Variants in CLVS1 observed in about 807,000 individuals in gnomAD.
The protein encoded by CLVS1 is clavesin 1, also known as clavesin-1.
CLVS1 carries 10 observed loss-of-function variants against 33.1 expected under a neutral mutation model. That is an observed-to-expected ratio of 0.30 (90% confidence interval 0.19 to 0.51). The LOEUF (loss-of-function observed/expected upper bound fraction) is 0.51, where lower values mean the gene tolerates loss of function less well. Among genes scored for constraint, CLVS1 ranks in the 20% least tolerant of loss-of-function variants. CLVS1 has a pLI of 0.97. For missense variants in CLVS1, 343 were observed against 433.4 expected, an observed-to-expected ratio of 0.79 and a Z score of 1.85; for synonymous variants, 163 against 166.1, an observed-to-expected ratio of 0.98 and a Z score of 0.14.
At chr8:61,488,908 A>G (rs1808728185) in intron 5 of CLVS1, among the ~76,000 whole-genome samples, 1 of 152,166 alleles carries the variant, frequency 6.6e-6, no homozygotes. Flanking sequence ...GTCTTCTGGC[A>G]GCTGAACTGT....
the CLVS1 span, among the ~76,000 whole-genome samples, chr8:60,979,445 C>T: frequency 2.2e-4 from 34 of 152,194 alleles, no homozygotes; most frequent in Non-Finnish European, 4.7e-4. Flanking sequence ...AGTAGAAGAG[C>T]AACAACATCT....
At chr8:61,349,994 T>A (rs1812384122) in intron 2 of CLVS1, among the ~76,000 whole-genome samples, 1 of 152,144 alleles carries the variant, frequency 6.6e-6, no homozygotes, top group African/African-American at 2.4e-5. Context: ...ATCTCTTGGA[T>A]AGACTAATAC....
chr8:61,479,000 G>C (rs1014275021), intron 5 of CLVS1, among the ~76,000 whole-genome samples: 1 of 152,066 alleles, frequency 6.6e-6, no homozygotes, highest in African/African-American at 2.4e-5. Context: ...CTTTCTCTCT[G>C]GCTGCCCTTA....
chr8:61,212,312 G>A (rs531391180), intron 2 of CLVS1, among the ~76,000 whole-genome samples: 17 of 152,300 alleles, frequency 1.1e-4, no homozygotes, highest in Non-Finnish European at 2.4e-4. Context: ...GGCAACAGAG[G>A]TAGGCAGTGA....
intron 2 of CLVS1, among the ~76,000 whole-genome samples, chr8:61,191,142 C>G (rs754015437): frequency 6.6e-6 from 1 of 152,180 alleles, no homozygotes; most frequent in South Asian, 2.1e-4. Context: ...TACCGGAAAA[C>G]TGAATCCAGC....
chr8:61,365,699 A>G (rs1279771842), intron 2 of CLVS1, among the ~76,000 whole-genome samples: 1 of 152,068 alleles, frequency 6.6e-6, no homozygotes, highest in Admixed American at 6.6e-5. Flanking sequence ...TGGAATAATT[A>G]AAGAATCATC....
chr8:61,174,454 A>G (rs1050460564), intron 2 of CLVS1, among the ~76,000 whole-genome samples: 2 of 151,966 alleles, frequency 1.3e-5, no homozygotes, highest in Non-Finnish European at 2.9e-5. Flanking sequence ...CAAACAAACA[A>G]ACAAACAAAC....
intron 1 of CLVS1, among the ~76,000 whole-genome samples, chr8:61,070,503 A>G (rs1804773124): frequency 6.6e-6 from 1 of 152,166 alleles, no homozygotes; most frequent in Admixed American, 6.5e-5. Context: ...TTGTTTTCCC[A>G]TCTTCCACCC....
intron 2 of CLVS1, among the ~76,000 whole-genome samples, chr8:61,269,563 G>T (rs1385496475): frequency 6.6e-6 from 1 of 151,650 alleles, no homozygotes; most frequent in Admixed American, 6.6e-5. Flanking sequence ...GAAAGGCATT[G>T]GTAGCTTGAT....
At chr8:61,441,841 A>G (rs572039511) in intron 3 of CLVS1, among the ~76,000 whole-genome samples, 19 of 152,338 alleles carry the variant, frequency 1.2e-4, no homozygotes, top group Admixed American at 1.1e-3. Flanking sequence ...GTGCATTTCT[A>G]ATGGATTGCA....
At chr8:61,148,770 GTGTATATGAT>G (rs374011446) in intron 2 of CLVS1, among the ~76,000 whole-genome samples, 56 of 152,300 alleles carry the variant, frequency 3.7e-4, no homozygotes, top group African/African-American at 1.1e-3. Context: ...TGCTAAACAG[GTGTATATGAT>G]TGAAATGACT....
At chr8:61,162,220 G>T (rs188979274) in intron 2 of CLVS1, among the ~76,000 whole-genome samples, 33 of 152,320 alleles carry the variant, frequency 2.2e-4, no homozygotes, top group African/African-American at 7.7e-4. Context: ...CTATGAAGAA[G>T]ATAGTTTAGC....
chr8:61,041,679 A>G, the CLVS1 span, among the ~76,000 whole-genome samples: 5 of 152,150 alleles, frequency 3.3e-5, no homozygotes, highest in African/African-American at 7.2e-5. Flanking sequence ...TCGGCAGCAC[A>G]TATATTAGAA....
In CLVS1 at chr8:61,499,447, CTT is replaced by C. The variant is rs1804475627; in HGVS notation, c.978-7_978-6del. 1.2e-6 allele frequency: 2 copies of C among 1,604,500 alleles called. No individual in the cohort carries two copies. The highest frequency in any genetic ancestry group is 1.7e-4 in the Middle Eastern group (1 of 6,058). On this transcript the variant is annotated splice_region_variant and splice_polypyrimidine_tract_variant and intron_variant, in intron 5 of 5. Transcript: ENST00000325897. ...GTAATTCTGTCTTTTTCCCTCCCCT[CTT>C]GTTAGATCTCAGTCTGTGGTAGAAG...
intron 5 of CLVS1, among the ~76,000 whole-genome samples, chr8:61,489,916 C>A (rs1342694969): frequency 6.6e-6 from 1 of 152,202 alleles, no homozygotes; most frequent in Admixed American, 6.5e-5. Flanking sequence ...GGGCAGACTA[C>A]TTGTAGCAAT....
chr8:61,188,500 TA>T (rs1807393388), intron 2 of CLVS1, among the ~76,000 whole-genome samples: 1 of 151,506 alleles, frequency 6.6e-6, no homozygotes, highest in Admixed American at 6.6e-5. Flanking sequence ...AGATTATGCT[TA>T]AATAAATTAG....
chr8:61,223,917 G>T (rs981087725), intron 2 of CLVS1, among the ~76,000 whole-genome samples: 2 of 151,882 alleles, frequency 1.3e-5, no homozygotes, highest in South Asian at 2.1e-4. Context: ...ATTTCAGTGA[G>T]GTGGTCTTCA....
chr8:61,217,199 A>G (rs1808107609), intron 2 of CLVS1, among the ~76,000 whole-genome samples: 2 of 152,304 alleles, frequency 1.3e-5, no homozygotes, highest in Non-Finnish European at 2.9e-5. Context: ...TTGATTTATA[A>G]AAGATCTCTT....
At chr8:61,174,911 C>A (rs1585663351) in intron 2 of CLVS1, among the ~76,000 whole-genome samples, 1 of 152,148 alleles carries the variant, frequency 6.6e-6, no homozygotes, top group African/African-American at 2.4e-5. Flanking sequence ...AAAAGGTCTT[C>A]TATTTTCTGT....
Sources: allele counts gnomAD v4.1 joint callset (sites outside exome capture counted in the v4.1 genomes callset), GRCh38; gene constraint gnomAD v4.1.1; transcripts MANE v1.5; gene names NCBI Gene and HGNC (gene_info 2026-07-23, HGNC 2026-07-21).